TFR2: variants seen among roughly 807,000 people sequenced by gnomAD.
TFR2 encodes transferrin receptor protein 2.
TFR2 carries 64 observed loss-of-function variants against 91.9 expected under a neutral mutation model. The ratio of observed to expected loss-of-function variants is 0.70; its 90% CI spans 0.57 to 0.86. TFR2 has a LOEUF of 0.86. TFR2 is among the 40% of genes least tolerant of loss of function. TFR2 has a pLI of 0.00. For synonymous variants in TFR2, 454 were observed against 459.6 expected (o/e 0.99, Z 0.15); for missense variants, 950 against 1,080.5 (o/e 0.88, Z 1.69).
At chr7:100,632,265 C>G in intron 6 of TFR2, 67 bp from the exon 7 acceptor site, 1 of 1,409,194 alleles carries the variant, frequency 7.1e-7, no homozygotes, top group South Asian at 1.2e-5. Context: ...CAGGAGAAAC[C>G]AGGAAATGGC....
At chr7:100,624,871 G>GAA (rs1012394311) in intron 17 of TFR2, among the ~76,000 whole-genome samples, 2 of 133,326 alleles carry the variant, frequency 1.5e-5, no homozygotes, top group African/African-American at 2.8e-5. Flanking sequence ...GACCGTCTCA[G>GAA]AAAAAAAAAA....
intron 17 of TFR2, among the ~76,000 whole-genome samples, chr7:100,624,553 A>G (rs1416741422): frequency 2.0e-5 from 3 of 152,120 alleles, no homozygotes; most frequent in Non-Finnish European, 2.9e-5. Flanking sequence ...ACCAATAAGC[A>G]TGGCTGTTTC....
intron 17 of TFR2, among the ~76,000 whole-genome samples, chr7:100,626,112 C>T (rs1803243370): frequency 6.6e-6 from 1 of 152,106 alleles, no homozygotes; most frequent in East Asian, 1.9e-4. Flanking sequence ...GGCCACAGTC[C>T]CTACTCACCC....
Position 100,628,254 on chromosome 7 carries a change from A to G in TFR2, c.1443T>C (p.Phe481=), listed in dbSNP as rs1287232464. Residue 481 remains phenylalanine (F), a synonymous_variant, in exon 11 of 18, where the codon TTT becomes TTC. Transcript: ENST00000223051. The part of the protein sequence containing the change: ...LLFISWDGGD[F]GSVGSTEWLE... ...GCCACTCCGTGGAGCCCACGCTTCC[A>G]AAGTCACCACCGTCCCAGCTGATGA... 6.2e-7 allele frequency: 1 copy of G among 1,604,872 alleles called. No individual in the cohort carries two copies. Among genetic ancestry groups the G allele is most frequent in the Non-Finnish European group, 8.5e-7 (1 of 1,178,412 alleles).
At chr7:100,630,274 C>G (rs1406102039) in intron 9 of TFR2, among the ~76,000 whole-genome samples, 1 of 148,156 alleles carries the variant, frequency 6.7e-6, no homozygotes, top group East Asian at 2.0e-4. Context: ...TTCTCTTTCT[C>G]TCTTTCTTTC....
At chr7:100,626,362 T>C in intron 17 of TFR2, 3 of 757,422 alleles carry the variant, frequency 4.0e-6, no homozygotes, top group Non-Finnish European at 4.8e-6. Flanking sequence ...TGAATATCTT[T>C]AGCCTTCTGC....
chr7:100,638,096 C>G (rs1037995331), intron 3 of TFR2, among the ~76,000 whole-genome samples: 3 of 151,842 alleles, frequency 2.0e-5, no homozygotes, highest in Non-Finnish European at 4.4e-5. Context: ...CTCCGCCTCC[C>G]GGGTTCATGC....
At chr7:100,626,693 A>G in intron 17 of TFR2, 70 bp downstream of exon 17, 1 of 1,508,796 alleles carries the variant, frequency 6.6e-7, no homozygotes, top group South Asian at 1.2e-5. Context: ...AGACGGGGCC[A>G]GGTCCAGGAG....
chr7:100,639,481 G>C (rs1321625416), intron 3 of TFR2, among the ~76,000 whole-genome samples: 1 of 151,838 alleles, frequency 6.6e-6, no homozygotes, highest in Non-Finnish European at 1.5e-5. Flanking sequence ...CAATGGCAAA[G>C]TATTATAAAA....
At chr7:100,633,199 C>G (rs368282570) in intron 5 of TFR2, 30 bp downstream of exon 5, 8 of 1,613,272 alleles carry the variant, frequency 5.0e-6, no homozygotes, top group Non-Finnish European at 6.8e-6. Context: ...GTGCCGCGCC[C>G]CATCCTAGGA....
chr7:100,626,412 A>G (rs1375896033), intron 17 of TFR2: 12 of 1,122,666 alleles, frequency 1.1e-5, no homozygotes, highest in Non-Finnish European at 1.3e-5. Context: ...ACCAGTGTGG[A>G]CATGCTTTTT....
chr7:100,633,475 G>C lies in TFR2; in HGVS notation c.555C>G (p.Arg185=), dbSNP rs769507636. Residue 185 remains arginine (R), a synonymous_variant, in exon 4 of 18, where the codon CGC becomes CGG. Coordinates refer to ENST00000223051, the MANE Select transcript of TFR2 (RefSeq NM_003227.4). The stretch of plus-strand genomic sequence containing the variant: ...CGGTCCACACGTGGTCCAGCTTCTG[G>C]CGGGAGAGCGCCGCGCGAATGTCCT... ...LTQDIRAALS[R]QKLDHVWTDT... is the part of the protein sequence containing the mutation. 3 of 1,612,520 alleles carry C rather than the reference G, an allele frequency of 1.9e-6. No homozygotes were observed. Among genetic ancestry groups the C allele is most frequent in the Non-Finnish European group, 2.5e-6 (3 of 1,179,910 alleles).
chr7:100,640,583 G>C (rs999681908), intron 3 of TFR2, 103 bp downstream of exon 3: 33 of 1,358,012 alleles, frequency 2.4e-5, no homozygotes, highest in Non-Finnish European at 3.3e-5. Flanking sequence ...ACTCAGGAGG[G>C]GGACCCAGAC....
rs747312334 is a variant in TFR2, at chr7:100,628,143, G to C, written c.1474-7C>G. 6.2e-7 allele frequency: 1 copy of C among 1,613,982 alleles called. No individual in the cohort carries two copies. Among genetic ancestry groups the C allele is most frequent in the African/African-American group, 1.3e-5 (1 of 74,904 alleles). On this transcript the variant is annotated splice_region_variant and splice_polypyrimidine_tract_variant and intron_variant, in intron 11 of 17. Transcript: ENST00000223051. ...GCAGCACGCTGAGGTAGCCCTGTGG[G>C]TGGGTGACCAGTGTGGAGTGGGAAC...
chr7:100,628,948 G>A (rs1205160993), intron 10 of TFR2, among the ~76,000 whole-genome samples: 1 of 151,870 alleles, frequency 6.6e-6, no homozygotes. Context: ...TGTATTTTTA[G>A]TAGAGGGTTT....
In TFR2 at chr7:100,633,400, CCG is replaced by C. The variant is rs1325440290; in HGVS notation, c.614+14_614+15del. On this transcript the variant is annotated intron_variant, in intron 4 of 17. Coordinates refer to ENST00000223051, the MANE Select transcript of TFR2 (RefSeq NM_003227.4). Reference sequence around the variant, plus strand: ...GTCCCCCTCCCCGCGCGCCCCCCGCCCGCGCGCGCACTCACGGATCCGGGAAT... The same window carrying C: ...GTCCCCCTCCCCGCGCGCCCCCCGCCCGCGCGCACTCACGGATCCGGGAAT... 2 of 1,605,942 alleles carry C rather than the reference CCG, an allele frequency of 1.2e-6. No individual in the cohort carries two copies. Among genetic ancestry groups the C allele is most frequent in the Non-Finnish European group, 1.7e-6 (2 of 1,175,956 alleles).
intron 17 of TFR2, among the ~76,000 whole-genome samples, chr7:100,623,801 G>C (rs976121436): frequency 6.8e-6 from 1 of 147,370 alleles, no homozygotes; most frequent in African/African-American, 2.5e-5. Flanking sequence ...TGTAATCCTA[G>C]CACTTTGGGA....
rs780417157 is a variant in TFR2, at chr7:100,631,838, G to A, written c.1074C>T (p.Pro358=). 1 of 1,613,652 alleles carries A rather than the reference G, an allele frequency of 6.2e-7. No homozygotes were observed. Among genetic ancestry groups the A allele is most frequent in the Non-Finnish European group, 8.5e-7 (1 of 1,179,838 alleles). ...GGCGGGAGGCAATGTCTGCACTGAT[G>A]GGCTGGGCTGGGATGCTGGGAAGGC... ...SSGLPSIPAQ[P]ISADIASRLL... is the part of the protein sequence containing the mutation. The change falls in exon 8 of 18, where the codon CCC becomes CCT. Residue 358 remains proline, a synonymous_variant. Transcript: ENST00000223051.
rs1445488758 is a variant in TFR2, at chr7:100,633,193, C to T, written c.726+36G>A. On this transcript the variant is annotated intron_variant, in intron 5 of 17. Transcript: ENST00000223051. ...TCGAGACCCAGGAAAGGGCTCGTGC[C>T]GCGCCCCATCCTAGGAGCGGGCAGG... The T allele has an allele frequency of 2.5e-6, 4 of 1,613,256 alleles. No homozygotes were observed. In the South Asian group the frequency reaches 3.3e-5, roughly 13 times the overall value.
Sources: allele counts gnomAD v4.1 joint callset (sites outside exome capture counted in the v4.1 genomes callset), GRCh38; gene constraint gnomAD v4.1.1; transcripts MANE v1.5; gene names NCBI Gene and HGNC (gene_info 2026-07-23, HGNC 2026-07-21).